The following DPYSL3 variants were observed in gnomAD, a reference collection of about 807,000 sequenced individuals.
The protein encoded by DPYSL3 is dihydropyrimidinase-related protein 3.
In DPYSL3, 16 loss-of-function variants were observed where a neutral mutation model predicts 66.1. That is an observed-to-expected ratio of 0.24 (90% CI 0.16 to 0.37). DPYSL3 has a LOEUF of 0.37. Ranked by LOEUF, DPYSL3 falls within the 10% of genes least tolerant of loss-of-function variation. The pLI, the probability that DPYSL3 is intolerant of heterozygous loss-of-function variation, is 1.00. For synonymous variants in DPYSL3, 338 were observed against 345.1 expected (o/e 0.98, Z 0.23); for missense variants, 738 against 916.2 (o/e 0.81, Z 2.51).
intron 7 of DPYSL3, among the ~76,000 whole-genome samples, chr5:147,406,993 C>T (rs1758340464): frequency 6.6e-6 from 1 of 152,148 alleles, no homozygotes; most frequent in Non-Finnish European, 1.5e-5. Flanking sequence ...TGAATATGGA[C>T]ACCTTCCTGA....
intron 5 of DPYSL3, 61 bp from the exon 6 acceptor site, chr5:147,412,749 C>T: frequency 6.9e-7 from 1 of 1,457,046 alleles, no homozygotes; most frequent in Non-Finnish European, 9.5e-7. Flanking sequence ...CACAGAAGGG[C>T]CAATTACCAG....
intron 1 of DPYSL3, among the ~76,000 whole-genome samples, chr5:147,505,105 G>T (rs147595994): frequency 1.3e-5 from 2 of 152,126 alleles, no homozygotes; most frequent in Admixed American, 1.3e-4. Flanking sequence ...CATGAATGCC[G>T]AGGATTTTAG....
chr5:147,481,750 A>G (rs530116990), intron 1 of DPYSL3, among the ~76,000 whole-genome samples: 39 of 152,330 alleles, frequency 2.6e-4, no homozygotes, highest in African/African-American at 9.4e-4. Context: ...TCTCTTGCCC[A>G]TCTGCCTTCT....
chr5:147,443,436 C>A (rs867906710), intron 1 of DPYSL3, among the ~76,000 whole-genome samples: 4 of 151,956 alleles, frequency 2.6e-5, no homozygotes, highest in Middle Eastern at 6.4e-3. Flanking sequence ...ACATTGAGAA[C>A]ACATGGACAC....
In DPYSL3 at chr5:147,458,984, A is replaced by ATT. The variant is rs61178145; in HGVS notation, c.382-34023_382-34022dup. ...TCCTAACACTATTTTTAATATTTTG[A>ATT]TTTTTTTTTTTTTTTTGCTAAACTT... is the stretch of plus-strand genomic sequence containing the variant. On this transcript the variant is annotated intron_variant, in intron 1 of 13. Transcript: ENST00000343218. 1.4e-3 allele frequency among the ~76,000 whole-genome samples: 197 copies of ATT among 138,412 alleles called. 1 individual carries two copies. The highest frequency in any genetic ancestry group is 5.0e-3 in the African/African-American group (189 of 37,474). The allele number at this position is 138,412 out of a possible 152,430, so 90.8% of individuals were successfully genotyped here. A position where few individuals can be genotyped will look rare whatever the true frequency, so the allele number is the denominator to read the frequency against.
chr5:147,478,190 T>A (rs1581212088), intron 1 of DPYSL3, among the ~76,000 whole-genome samples: 1 of 152,198 alleles, frequency 6.6e-6, no homozygotes, highest in East Asian at 1.9e-4. Context: ...AGTTCATAGG[T>A]CTTCTTAATA....
intron 1 of DPYSL3, among the ~76,000 whole-genome samples, chr5:147,489,045 A>G (rs75998616): frequency 1.3e-5 from 2 of 151,916 alleles, no homozygotes; most frequent in Non-Finnish European, 2.9e-5. Flanking sequence ...AAAAGAAAAA[A>G]TATATCATTA....
chr5:147,432,643 T>C (rs1359091094), intron 1 of DPYSL3, among the ~76,000 whole-genome samples: 1 of 152,200 alleles, frequency 6.6e-6, no homozygotes, highest in Non-Finnish European at 1.5e-5. Flanking sequence ...AGAGGAGCCC[T>C]AGAGAGATTC....
At chr5:147,428,939 G>A (rs978792110) in intron 1 of DPYSL3, among the ~76,000 whole-genome samples, 9 of 152,030 alleles carry the variant, frequency 5.9e-5, no homozygotes, top group Non-Finnish European at 8.8e-5. Flanking sequence ...TGTGCATCCC[G>A]TACATGTATC....
At chr5:147,444,594 G>A (rs1257775898) in intron 1 of DPYSL3, among the ~76,000 whole-genome samples, 2 of 151,898 alleles carry the variant, frequency 1.3e-5, no homozygotes, top group Non-Finnish European at 1.5e-5. Context: ...CTCCCATTTT[G>A]TCCTCCCTTT....
At chr5:147,493,142 G>C (rs1396213740) in intron 1 of DPYSL3, among the ~76,000 whole-genome samples, 1 of 152,124 alleles carries the variant, frequency 6.6e-6, no homozygotes, top group Non-Finnish European at 1.5e-5. Context: ...ATCTGAGAAG[G>C]CATAACAACC....
intron 12 of DPYSL3, among the ~76,000 whole-genome samples, chr5:147,397,033 ATATATTTATATATTATTC>A (rs959168921): frequency 1.4e-5 from 2 of 147,714 alleles, no homozygotes; most frequent in African/African-American, 4.9e-5. Flanking sequence ...ATGTTTATTT[ATATATTTATATATTATTC>A]TATATTTATA....
chr5:147,473,673 A>T (rs1753115390), intron 1 of DPYSL3, among the ~76,000 whole-genome samples: 1 of 152,074 alleles, frequency 6.6e-6, no homozygotes, highest in African/African-American at 2.4e-5. Context: ...AAATTCTAGA[A>T]TGTATTTCTT....
At chr5:147,413,277 C>A (rs2288800) in intron 5 of DPYSL3, among the ~76,000 whole-genome samples, 1 of 152,110 alleles carries the variant, frequency 6.6e-6, no homozygotes, top group Non-Finnish European at 1.5e-5. Context: ...GTCCTGCAGG[C>A]GAAGAGCCTC....
intron 3 of DPYSL3, among the ~76,000 whole-genome samples, chr5:147,417,361 A>G (rs771361090): frequency 3.9e-5 from 6 of 152,214 alleles, no homozygotes; most frequent in Non-Finnish European, 8.8e-5. Context: ...GACTTTCATC[A>G]GCAGGCAGCT....
At chr5:147,488,970 G>A (rs886220563) in intron 1 of DPYSL3, among the ~76,000 whole-genome samples, 6 of 149,880 alleles carry the variant, frequency 4.0e-5, no homozygotes, top group Non-Finnish European at 7.4e-5. Flanking sequence ...AGCTGAGATC[G>A]CACCACTGTA....
intron 1 of DPYSL3, among the ~76,000 whole-genome samples, chr5:147,502,150 G>C (rs1031154307): frequency 1.3e-5 from 2 of 151,882 alleles, no homozygotes; most frequent in Non-Finnish European, 2.9e-5. Flanking sequence ...CTCACCTGGT[G>C]CAAAGAGCAA....
In DPYSL3 at chr5:147,444,021, T is replaced by C. The variant is rs75883623; in HGVS notation, c.382-19058A>G. 3.6e-3 allele frequency among the ~76,000 whole-genome samples: 545 copies of C among 152,166 alleles called. 21 individuals carry two copies. The East Asian group carries it at 0.093, about 26-fold the overall frequency. The stretch of plus-strand genomic sequence containing the variant: ...TGTCCCCCATAACCTACACCACTCA[T>C]ACCTTATAGGAAACAGGTGCAGAGA... On this transcript the variant is annotated intron_variant, in intron 1 of 13. Coordinates refer to ENST00000343218, the MANE Select transcript of DPYSL3 (RefSeq NM_001197294.2).
intron 4 of DPYSL3, among the ~76,000 whole-genome samples, chr5:147,414,712 C>T (rs986663142): frequency 6.6e-5 from 10 of 152,312 alleles, no homozygotes; most frequent in South Asian, 2.1e-4. Context: ...AGGAGTTAAT[C>T]TCACATTCTG....
Sources: gnomAD v4.1 joint callset for allele counts (sites outside exome capture counted in the v4.1 genomes callset) on GRCh38, gnomAD v4.1.1 for gene constraint, MANE v1.5 for transcripts, NCBI Gene and HGNC (gene_info 2026-07-23, HGNC 2026-07-21) for gene names.